The following TBX15 variants were observed in gnomAD, a reference collection of about 807,000 sequenced individuals.
TBX15 encodes T-box transcription factor TBX15.
A neutral mutation model predicts 53.9 loss-of-function variants in TBX15; 18 were observed. The observed-to-expected ratio is 0.33, with a 90% CI of 0.23 to 0.49. The LOEUF (loss-of-function observed/expected upper bound fraction) is 0.49, where lower values mean the gene tolerates loss of function less well. Ranked by LOEUF, TBX15 falls within the 20% of genes least tolerant of loss-of-function variation. The pLI, the probability that TBX15 is intolerant of heterozygous loss-of-function variation, is 0.98. For synonymous variants in TBX15, 295 were observed against 278.0 expected (o/e 1.06, Z -0.61); for missense variants, 692 against 749.5 (o/e 0.92, Z 0.90).
intron 1 of TBX15, among the ~76,000 whole-genome samples, chr1:118,953,631 A>G (rs1436092362): frequency 2.6e-5 from 4 of 152,264 alleles, no homozygotes; most frequent in Non-Finnish European, 5.9e-5. Flanking sequence ...TGTTACACAT[A>G]TGGGAATTAT....
At chr1:118,938,432 T>A (rs1571190568) in intron 1 of TBX15, among the ~76,000 whole-genome samples, 2 of 152,160 alleles carry the variant, frequency 1.3e-5, no homozygotes, top group South Asian at 4.1e-4. Context: ...GGACCCAAAG[T>A]CATCCTGAGA....
intron 7 of TBX15, among the ~76,000 whole-genome samples, chr1:118,888,040 C>T (rs1405020452): frequency 6.6e-6 from 1 of 152,184 alleles, no homozygotes; most frequent in East Asian, 1.9e-4. Flanking sequence ...CAAAACTTCT[C>T]CTTCCTCCTT....
rs1656920262 is a variant in TBX15 at position 118,962,736 on chromosome 1, T to G, written c.205+24855A>C. Among the ~76,000 whole-genome samples, 6 of 152,372 alleles carry G rather than the reference T, an allele frequency of 3.9e-5. 1 individual carries two copies. In the South Asian group the frequency reaches 1.2e-3, roughly 32 times the overall value. ...TTACAGTTTCCTCACTGTATCGGTT[T>G]ACTTAGCTACACAATAAAGCCTTCA... On this transcript the variant is annotated intron_variant, in intron 1 of 7. Transcript: ENST00000369429.
intron 7 of TBX15, chr1:118,890,907 G>A: frequency 7.7e-7 from 1 of 1,303,964 alleles, no homozygotes; most frequent in Non-Finnish European, 1.0e-6. Context: ...ATAATTCAAT[G>A]GCATCTGTCT....
At chr1:118,947,586 C>G (rs924051640) in intron 1 of TBX15, among the ~76,000 whole-genome samples, 2 of 152,098 alleles carry the variant, frequency 1.3e-5, no homozygotes, top group South Asian at 4.2e-4. Flanking sequence ...AATGAGGCAC[C>G]AGCAAAATAA....
intron 1 of TBX15, among the ~76,000 whole-genome samples, chr1:118,958,188 A>C (rs1204594247): frequency 6.6e-6 from 1 of 152,204 alleles, no homozygotes; most frequent in Non-Finnish European, 1.5e-5. Flanking sequence ...ATGAAGTCAT[A>C]AGGGTAGGGG....
chr1:118,899,206 T>C, intron 6 of TBX15, 81 bp from the exon 7 acceptor site: 2 of 1,269,904 alleles, frequency 1.6e-6, no homozygotes, highest in Non-Finnish European at 2.3e-6. Flanking sequence ...AGAGGTGGAC[T>C]GTCAAACAGG....
chr1:118,921,308 A>G (rs1399950678), intron 5 of TBX15, among the ~76,000 whole-genome samples: 1 of 152,224 alleles, frequency 6.6e-6, no homozygotes, highest in Non-Finnish European at 1.5e-5. Flanking sequence ...CTTACTAAAA[A>G]TTTATTGGTA....
chr1:118,924,635 C>G lies in TBX15; in HGVS notation c.693+11G>C, dbSNP rs1405506554. ...AGAGAAAGAAAGGGGAGATAGGATT[C>G]TTTGACTCACATGTCCTTGATCATC... On this transcript the variant is annotated intron_variant, in intron 4 of 7. Transcript: ENST00000369429. 31 of 1,613,962 alleles carry G rather than the reference C, an allele frequency of 1.9e-5. No homozygotes were observed. Among genetic ancestry groups the G allele is most frequent in the Non-Finnish European group, 2.6e-5 (31 of 1,179,888 alleles).
chr1:118,979,259 C>A (rs1301136424), intron 1 of TBX15, among the ~76,000 whole-genome samples: 5 of 151,680 alleles, frequency 3.3e-5, no homozygotes, highest in African/African-American at 1.2e-4. Context: ...CCAAGAGCAG[C>A]GGGAAGGACA....
chr1:118,946,414 G>A (rs898579290), intron 1 of TBX15, among the ~76,000 whole-genome samples: 2 of 152,142 alleles, frequency 1.3e-5, no homozygotes, highest in Admixed American at 6.6e-5. Context: ...GGATGCATGG[G>A]ATTTATGAGA....
At chr1:118,924,611 G>C in intron 4 of TBX15, 35 bp downstream of exon 4, 1 of 1,613,456 alleles carries the variant, frequency 6.2e-7, no homozygotes, top group Non-Finnish European at 8.5e-7. Flanking sequence ...CAGAGGAAGA[G>C]AGAAAGAAAG....
intron 2 of TBX15, among the ~76,000 whole-genome samples, chr1:118,927,146 C>G (rs923378532): frequency 6.6e-5 from 10 of 152,270 alleles, no homozygotes; most frequent in African/African-American, 2.2e-4. Flanking sequence ...TAGACTTATA[C>G]TACTGAACTA....
intron 7 of TBX15, among the ~76,000 whole-genome samples, chr1:118,896,164 A>G (rs542630787): frequency 1.3e-5 from 2 of 151,962 alleles, no homozygotes; most frequent in Non-Finnish European, 2.9e-5. Context: ...TCTTCTTCCA[A>G]TGTGGTGCAA....
chr1:118,944,429 C>T (rs1656281558), intron 1 of TBX15, among the ~76,000 whole-genome samples: 1 of 152,196 alleles, frequency 6.6e-6, no homozygotes, highest in South Asian at 2.1e-4. Flanking sequence ...TCCACTCATT[C>T]CATGGTCAAC....
intron 1 of TBX15, among the ~76,000 whole-genome samples, chr1:118,952,540 G>C (rs946493630): frequency 1.3e-5 from 2 of 152,156 alleles, no homozygotes; most frequent in African/African-American, 4.8e-5. Flanking sequence ...AGTGTCAACA[G>C]TCTTATGCCC....
At chr1:118,906,595 G>A (rs1467774986) in intron 6 of TBX15, among the ~76,000 whole-genome samples, 2 of 152,082 alleles carry the variant, frequency 1.3e-5, no homozygotes, top group African/African-American at 4.8e-5. Context: ...TGCTGAAGAG[G>A]GGGTCATGGG....
At chr1:118,893,290 G>GAAGA (rs1654222576) in intron 7 of TBX15, among the ~76,000 whole-genome samples, 1 of 129,814 alleles carries the variant, frequency 7.7e-6, no homozygotes, top group Non-Finnish European at 1.6e-5. Context: ...AGGAAGGAAG[G>GAAGA]AAGGAAGGAA....
chr1:118,962,769 T>A (rs1656920884), intron 1 of TBX15, among the ~76,000 whole-genome samples: 3 of 152,198 alleles, frequency 2.0e-5, no homozygotes, highest in Non-Finnish European at 4.4e-5. Flanking sequence ...TCAGTGGGAA[T>A]CTAGAAAATT....
Sources: allele counts gnomAD v4.1 joint callset (sites outside exome capture counted in the v4.1 genomes callset), GRCh38; gene constraint gnomAD v4.1.1; transcripts MANE v1.5; gene names NCBI Gene and HGNC (gene_info 2026-07-23, HGNC 2026-07-21).